ADAMTS3: variants seen among roughly 807,000 people sequenced by gnomAD.
The protein encoded by ADAMTS3 is ADAM metallopeptidase with thrombospondin type 1 motif 3.
ADAMTS3 carries 73 observed loss-of-function variants against 129.0 expected under a neutral mutation model. That is an observed-to-expected ratio of 0.57 (90% CI 0.47 to 0.69). ADAMTS3 has a LOEUF of 0.69. Among genes scored for constraint, ADAMTS3 ranks in the 30% least tolerant of loss-of-function variants. ADAMTS3 has a pLI of 0.00. For synonymous variants in ADAMTS3, 477 were observed against 510.8 expected, an observed-to-expected ratio of 0.93 and a Z score of 0.89; for missense variants, 1,457 against 1,514.5, an observed-to-expected ratio of 0.96 and a Z score of 0.63.
intron 19 of ADAMTS3, among the ~76,000 whole-genome samples, chr4:72,294,108 T>G (rs1718746672): frequency 6.6e-6 from 1 of 152,096 alleles, no homozygotes; most frequent in Non-Finnish European, 1.5e-5. Flanking sequence ...ACATTTTATT[T>G]ATTTAAAAGT....
intron 3 of ADAMTS3, among the ~76,000 whole-genome samples, chr4:72,461,767 G>C (rs567425962): frequency 6.6e-6 from 1 of 151,836 alleles, no homozygotes; most frequent in African/African-American, 2.4e-5. Context: ...CATTTACTTG[G>C]TATAAGTGAT....
chr4:72,476,251 G>C (rs1238270379), intron 3 of ADAMTS3, among the ~76,000 whole-genome samples: 1 of 151,926 alleles, frequency 6.6e-6, no homozygotes, highest in Admixed American at 6.6e-5. Context: ...AAGAAGAAAG[G>C]AGGCATGAGT....
At chr4:72,468,051 T>C (rs969065441) in intron 3 of ADAMTS3, among the ~76,000 whole-genome samples, 2 of 152,090 alleles carry the variant, frequency 1.3e-5, no homozygotes, top group Non-Finnish European at 2.9e-5. Flanking sequence ...TAGAATCATA[T>C]AAAAATGTAT....
At chr4:72,515,224 C>T (rs1010342967) in intron 3 of ADAMTS3, among the ~76,000 whole-genome samples, 17 of 152,170 alleles carry the variant, frequency 1.1e-4, no homozygotes, top group South Asian at 2.1e-4. Context: ...TTTTCTTAAT[C>T]CACTCTATCA....
chr4:72,496,692 A>T (rs1394066504), intron 3 of ADAMTS3, among the ~76,000 whole-genome samples: 4 of 152,124 alleles, frequency 2.6e-5, no homozygotes, highest in Non-Finnish European at 5.9e-5. Flanking sequence ...AGGAGGGAAG[A>T]TAGTAAACAT....
At chr4:72,284,635 A>ACACT (rs1718454695) in intron 21 of ADAMTS3, among the ~76,000 whole-genome samples, 1 of 152,200 alleles carries the variant, frequency 6.6e-6, no homozygotes, top group Non-Finnish European at 1.5e-5. Flanking sequence ...ATACTTAGTA[A>ACACT]CACTCATAAA....
chr4:72,292,949 T>C (rs572895646), intron 19 of ADAMTS3, among the ~76,000 whole-genome samples: 46 of 152,282 alleles, frequency 3.0e-4, no homozygotes, highest in Non-Finnish European at 5.1e-4. Context: ...ATATTATACT[T>C]CACAGATATA....
chr4:72,381,546 C>T (rs1721289073), intron 4 of ADAMTS3, among the ~76,000 whole-genome samples: 2 of 152,146 alleles, frequency 1.3e-5, no homozygotes, highest in African/African-American at 4.8e-5. Flanking sequence ...CGTATTTCAA[C>T]TTCTCTCTCA....
chr4:72,379,154 C>A (rs1370655875), intron 4 of ADAMTS3, among the ~76,000 whole-genome samples: 5 of 152,118 alleles, frequency 3.3e-5, no homozygotes, highest in Non-Finnish European at 7.4e-5. Flanking sequence ...GATATCCCAG[C>A]ATATTCACAG....
chr4:72,395,013 C>A (rs1488626640), intron 4 of ADAMTS3, among the ~76,000 whole-genome samples: 1 of 152,012 alleles, frequency 6.6e-6, no homozygotes, highest in Admixed American at 6.6e-5. Context: ...CAACCTCCGC[C>A]TCCTGGGTGC....
chr4:72,359,367 G>A (rs998032599), intron 4 of ADAMTS3, among the ~76,000 whole-genome samples: 2 of 151,906 alleles, frequency 1.3e-5, no homozygotes, highest in Non-Finnish European at 2.9e-5. Flanking sequence ...TGAACTAAAG[G>A]TAGTAAATTG....
rs1452132861 is a variant in ADAMTS3 at position 72,304,036 on chromosome 4, C to T, written c.2305G>A (p.Gly769Arg). ...ATGHYILNGK[G>R]EEAKSRTFID... ...AAGGTCCGCGACTTGGCTTCCTCCC[C>T]TTTGCCATTTAAAATATAATGGCCT... The change falls in exon 17 of 22, where the codon GGG becomes AGG. Residue 769 changes from glycine (G) to arginine (R), a missense_variant. Coordinates refer to ENST00000286657, the MANE Select transcript of ADAMTS3 (RefSeq NM_014243.3). The T allele has an allele frequency of 1.2e-6, 2 of 1,613,692 alleles. No homozygotes were observed. Among genetic ancestry groups the T allele is most frequent in the South Asian group, 1.1e-5 (1 of 91,076 alleles).
intron 3 of ADAMTS3, among the ~76,000 whole-genome samples, chr4:72,530,031 A>ATATATTAT (rs375982827): frequency 3.2e-4 from 1 of 3,092 alleles, no homozygotes; most frequent in Non-Finnish European, 4.9e-4. Flanking sequence ...TTTATATATA[A>ATATATTAT]ATATAATATA....
chr4:72,347,640 G>A (rs1185490405), intron 4 of ADAMTS3, among the ~76,000 whole-genome samples: 1 of 151,650 alleles, frequency 6.6e-6, no homozygotes, highest in East Asian at 1.9e-4. Flanking sequence ...ACATTTTACT[G>A]CTCTAAACAT....
At chr4:72,463,061 T>C (rs1418689365) in intron 3 of ADAMTS3, among the ~76,000 whole-genome samples, 1 of 151,986 alleles carries the variant, frequency 6.6e-6, no homozygotes, top group African/African-American at 2.4e-5. Flanking sequence ...AGGTGTACCA[T>C]TTTTATCTTT....
At chr4:72,491,559 A>G (rs1446297151) in intron 3 of ADAMTS3, among the ~76,000 whole-genome samples, 1 of 151,578 alleles carries the variant, frequency 6.6e-6, no homozygotes, top group Non-Finnish European at 1.5e-5. Flanking sequence ...AAATGATGTT[A>G]TTTTTGTCTT....
chr4:72,485,521 A>T (rs574021078), intron 3 of ADAMTS3, among the ~76,000 whole-genome samples: 103 of 151,840 alleles, frequency 6.8e-4, no homozygotes, highest in African/African-American at 2.4e-3. Context: ...TTTTTTTTTT[A>T]AAGATCATTG....
chr4:72,440,307 T>C (rs181172056), intron 3 of ADAMTS3, among the ~76,000 whole-genome samples: 6 of 151,920 alleles, frequency 3.9e-5, no homozygotes, highest in African/African-American at 9.6e-5. Context: ...ATATGTTTAT[T>C]GTGGATAAAT....
chr4:72,397,256 C>A (rs1721747819), intron 4 of ADAMTS3, among the ~76,000 whole-genome samples: 1 of 152,008 alleles, frequency 6.6e-6, no homozygotes, highest in Non-Finnish European at 1.5e-5. Context: ...ACCGTTCTTA[C>A]CCGAGACAAA....
Sources: allele counts gnomAD v4.1 joint callset (sites outside exome capture counted in the v4.1 genomes callset), GRCh38; gene constraint gnomAD v4.1.1; transcripts MANE v1.5; gene names NCBI Gene and HGNC (gene_info 2026-07-23, HGNC 2026-07-21).